The following PALM2AKAP2 variants were observed in gnomAD, a reference collection of about 807,000 sequenced individuals.
The protein encoded by PALM2AKAP2 is PALM2-AKAP2 fusion protein.
Under a neutral mutation model 71.5 loss-of-function variants are expected in PALM2AKAP2, and 37 were observed. The observed-to-expected ratio is 0.52, with a 90% CI of 0.40 to 0.68. The LOEUF is 0.68. Ranked by LOEUF, PALM2AKAP2 falls within the 30% of genes least tolerant of loss-of-function variation. PALM2AKAP2 has a pLI of 0.00. For missense variants in PALM2AKAP2, 1,224 were observed against 1,191.8 expected (o/e 1.03, Z -0.40); for synonymous variants, 468 against 478.8 (o/e 0.98, Z 0.29).
At chr9:109,780,595 G>A (rs1829427436) in intron 1 of PALM2AKAP2, 62 bp downstream of exon 1, 2 of 1,607,868 alleles carry the variant, frequency 1.2e-6, no homozygotes, top group East Asian at 2.2e-5. Context: ...GGCCCCCGAG[G>A]GTTTCGGGGC....
intron 1 of PALM2AKAP2, among the ~76,000 whole-genome samples, chr9:110,105,523 G>A (rs932560347): frequency 1.3e-5 from 2 of 152,180 alleles, no homozygotes; most frequent in African/African-American, 4.8e-5. Flanking sequence ...CACGCATACT[G>A]TATATATGTC....
At chr9:109,749,140 C>T (rs888971787) in intron 1 of PALM2AKAP2, among the ~76,000 whole-genome samples, 4 of 152,232 alleles carry the variant, frequency 2.6e-5, no homozygotes, top group East Asian at 1.9e-4. Flanking sequence ...AAACATGAGG[C>T]GATAGAAGCG....
chr9:109,756,968 G>A (rs1423610874), intron 1 of PALM2AKAP2, among the ~76,000 whole-genome samples: 1 of 151,926 alleles, frequency 6.6e-6, no homozygotes, highest in East Asian at 1.9e-4. Context: ...CTATGTTTTG[G>A]GAACATTTCA....
chr9:109,737,427 G>A (rs1828653322), intron 1 of PALM2AKAP2, among the ~76,000 whole-genome samples: 1 of 152,246 alleles, frequency 6.6e-6, no homozygotes, highest in Non-Finnish European at 1.5e-5. Context: ...GGTTCAGCTT[G>A]ATTGTACAAA....
chr9:110,167,706 C>T (rs550590911), intron 3 of PALM2AKAP2, among the ~76,000 whole-genome samples: 75 of 151,884 alleles, frequency 4.9e-4, no homozygotes, highest in Non-Finnish European at 8.4e-4. Flanking sequence ...CATGTAATGG[C>T]TTTTTTAGTT....
At chr9:110,014,851 T>TATATATAC (rs1564260745) in intron 6 of PALM2AKAP2, among the ~76,000 whole-genome samples, 1 of 89,542 alleles carries the variant, frequency 1.1e-5, no homozygotes, top group South Asian at 4.3e-4. Context: ...TATATATATA[T>TATATATAC]ACACACACAC....
chr9:109,980,540 T>C (rs983359374), intron 6 of PALM2AKAP2, among the ~76,000 whole-genome samples: 1 of 152,194 alleles, frequency 6.6e-6, no homozygotes, highest in Non-Finnish European at 1.5e-5. Context: ...AAGTTGTGCA[T>C]GTTGGCCTCC....
At chr9:109,997,170 A>G (rs936633062) in intron 6 of PALM2AKAP2, among the ~76,000 whole-genome samples, 2 of 152,320 alleles carry the variant, frequency 1.3e-5, no homozygotes, top group East Asian at 3.9e-4. Context: ...AGCCTGGGTG[A>G]CAGAGCAAGA....
At chr9:110,087,687 C>A (rs761578766) in intron 1 of PALM2AKAP2, among the ~76,000 whole-genome samples, 1 of 152,202 alleles carries the variant, frequency 6.6e-6, no homozygotes, top group Admixed American at 6.5e-5. Context: ...CAAGGAAGCA[C>A]CCCGGCTAGG....
chr9:110,109,814 T>G (rs964243307), intron 1 of PALM2AKAP2, among the ~76,000 whole-genome samples: 5 of 151,928 alleles, frequency 3.3e-5, no homozygotes, highest in African/African-American at 1.2e-4. Context: ...TTTAGGAGTT[T>G]CTTTTAAAAA....
chr9:109,993,890 C>T (rs1035862263), intron 6 of PALM2AKAP2, among the ~76,000 whole-genome samples: 12 of 152,022 alleles, frequency 7.9e-5, no homozygotes, highest in Non-Finnish European at 1.5e-4. Context: ...CTCCCTGTCT[C>T]TCACCCTCTT....
At chr9:109,649,987 A>G (rs1297886560) in intron 1 of PALM2AKAP2, among the ~76,000 whole-genome samples, 1 of 152,228 alleles carries the variant, frequency 6.6e-6, no homozygotes, top group Non-Finnish European at 1.5e-5. Context: ...AGAGAGTGGC[A>G]GGGCAAATCG....
chr9:110,097,473 CT>C (rs757578773), intron 1 of PALM2AKAP2, among the ~76,000 whole-genome samples: 50 of 152,170 alleles, frequency 3.3e-4, no homozygotes, highest in Non-Finnish European at 6.5e-4. Context: ...TTGGGTACAC[CT>C]CCCAGACGGG....
At chr9:110,050,712 C>G (rs1486206183) in intron 1 of PALM2AKAP2, among the ~76,000 whole-genome samples, 2 of 152,168 alleles carry the variant, frequency 1.3e-5, no homozygotes, top group Admixed American at 1.3e-4. Flanking sequence ...ACTACAACCT[C>G]TACCTCATGG....
rs147954685 is a variant in PALM2AKAP2 at position 109,843,907 on chromosome 9, G to A, written c.46-23584G>A. 1.9e-4 allele frequency among the ~76,000 whole-genome samples: 29 copies of A among 152,234 alleles called. No individual in the cohort carries two copies. The East Asian group carries it at 5.0e-3, about 26-fold the overall frequency. On this transcript the variant is annotated intron_variant, in intron 1 of 9. Coordinates refer to the PALM2AKAP2 transcript ENST00000302798. ...CAGTTGTCACGGCTCACATCCAACC[G>A]CCAGACAGCCAAGAAGGAGACGCCA... is the stretch of plus-strand genomic sequence containing the variant.
At chr9:109,931,029 G>C (rs1831088325) in intron 5 of PALM2AKAP2, among the ~76,000 whole-genome samples, 1 of 152,212 alleles carries the variant, frequency 6.6e-6, no homozygotes, top group Non-Finnish European at 1.5e-5. Context: ...AGGATTTTGT[G>C]ATATGGTCGT....
rs1829418459 is a variant in PALM2AKAP2, at chr9:109,865,168, G to C, written c.46-2323G>C. Among the ~76,000 whole-genome samples the C allele has an allele frequency of 4.5e-5, 6 of 133,906 alleles. No individual in the cohort carries two copies. In the South Asian group the frequency reaches 1.5e-3, roughly 33 times the overall value. 87.8% of individuals were successfully genotyped at this position (133,906 alleles called of 152,430 possible). ...GGCTGGAGTGCAGTGGTGTGATCTTGGCTCATGGCAACCTCTACCCACTGG... is the reference window on the plus strand; with the variant it reads ...GGCTGGAGTGCAGTGGTGTGATCTTCGCTCATGGCAACCTCTACCCACTGG... On this transcript the variant is annotated intron_variant, in intron 1 of 9. Coordinates refer to the PALM2AKAP2 transcript ENST00000302798.
chr9:110,066,622 CAGG>C (rs1834084816), intron 1 of PALM2AKAP2, among the ~76,000 whole-genome samples: 2 of 151,550 alleles, frequency 1.3e-5, no homozygotes, highest in African/African-American at 4.9e-5. Flanking sequence ...CCCTTGAGCC[CAGG>C]AGTTCTAAGG....
intron 1 of PALM2AKAP2, among the ~76,000 whole-genome samples, chr9:109,717,499 G>A (rs890152690): frequency 1.3e-5 from 2 of 152,192 alleles, no homozygotes; most frequent in African/African-American, 2.4e-5. Flanking sequence ...ACATGAAGGA[G>A]TAGCAGAAAC....
Sources: gnomAD v4.1 joint callset for allele counts (sites outside exome capture counted in the v4.1 genomes callset) on GRCh38, gnomAD v4.1.1 for gene constraint, MANE v1.5 for transcripts, NCBI Gene and HGNC (gene_info 2026-07-23, HGNC 2026-07-21) for gene names.